The following MRE11 variants were observed in gnomAD, a reference collection of about 807,000 sequenced individuals.
The protein encoded by MRE11 is MRE11 double strand break repair nuclease.
Under a neutral mutation model 91.7 loss-of-function variants are expected in MRE11, and 62 were observed. The ratio of observed to expected loss-of-function variants is 0.68; its 90% CI spans 0.55 to 0.84. MRE11 has a LOEUF of 0.84. MRE11 is among the 40% of genes least tolerant of loss of function. MRE11 has a pLI of 0.00. For synonymous variants in MRE11, 273 were observed against 271.4 expected, an observed-to-expected ratio of 1.01 and a Z score of -0.06; for missense variants, 796 against 852.9, an observed-to-expected ratio of 0.93 and a Z score of 0.83.
chr11:94,494,758 T>G (rs1417046103), upstream of MRE11, among the ~76,000 whole-genome samples: 1 of 152,120 alleles, frequency 6.6e-6, no homozygotes, highest in East Asian at 1.9e-4. Context: ...AACTCAAAAT[T>G]TATATAAAGG....
At chr11:94,484,169 C>T (rs937447557) in intron 4 of MRE11, among the ~76,000 whole-genome samples, 7 of 151,652 alleles carry the variant, frequency 4.6e-5, no homozygotes, top group Non-Finnish European at 1.0e-4. Flanking sequence ...CAATTTAAGC[C>T]ACAAGTAAAT....
chr11:94,455,756 T>C (rs933867211), intron 14 of MRE11, among the ~76,000 whole-genome samples: 2 of 152,208 alleles, frequency 1.3e-5, no homozygotes, highest in African/African-American at 2.4e-5. Context: ...AGTTTCTTTT[T>C]TGCCCAAAAT....
In MRE11 at chr11:94,447,200, G is replaced by C. The variant is rs763251305; in HGVS notation, c.1783+19C>G. 2.4e-5 allele frequency: 39 copies of C among 1,602,312 alleles called. No homozygotes were observed. Among genetic ancestry groups the C allele is most frequent in the Non-Finnish European group, 3.2e-5 (38 of 1,173,410 alleles). ...AACTGCCAAGTGTGAATGTGCACAG[G>C]ACTGAACTCAGTGCTCACCTCTTCC... is the stretch of plus-strand genomic sequence containing the variant. On this transcript the variant is annotated intron_variant, in intron 15 of 19. Transcript: ENST00000323929.
intron 12 of MRE11, 25 bp from the exon 13 acceptor site, chr11:94,459,606 C>CT: frequency 6.2e-7 from 1 of 1,608,642 alleles, no homozygotes; most frequent in East Asian, 2.2e-5. Flanking sequence ...TCACTGGATG[C>CT]AGAAATAGTT....
chr11:94,501,945 T>C, the MRE11 span, among the ~76,000 whole-genome samples: 1,999 of 152,274 alleles, frequency 0.013, 50 homozygotes, highest in African/African-American at 0.046. Flanking sequence ...TAAAAAGCTA[T>C]GTGTTTATCA....
intron 18 of MRE11, 71 bp from the exon 19 acceptor site, chr11:94,430,057 G>A (rs1446185876): frequency 6.8e-7 from 1 of 1,465,654 alleles, no homozygotes; most frequent in Admixed American, 1.7e-5. Flanking sequence ...TTCTGGCTAA[G>A]TTTTTCAATC....
At chr11:94,479,623 T>G (rs1415738905) in intron 5 of MRE11, 51 bp downstream of exon 5, 2 of 1,513,600 alleles carry the variant, frequency 1.3e-6, no homozygotes, top group South Asian at 1.1e-5. Context: ...ACAGACAAAC[T>G]AAACTGATCA....
At chr11:94,495,428 AAGTT>A (rs1947402051), upstream of MRE11, among the ~76,000 whole-genome samples, 1 of 152,206 alleles carries the variant, frequency 6.6e-6, no homozygotes, top group African/African-American at 2.4e-5. Context: ...AACAAGAACA[AAGTT>A]AGAGGTGAAA....
At chr11:94,451,976 C>T (rs1276513286) in intron 14 of MRE11, among the ~76,000 whole-genome samples, 7 of 152,006 alleles carry the variant, frequency 4.6e-5, no homozygotes, top group Non-Finnish European at 1.0e-4. Context: ...GAGGCCGAGG[C>T]GGGTGGATCA....
intron 14 of MRE11, 127 bp downstream of exon 14, chr11:94,456,149 T>C: frequency 1.2e-6 from 1 of 807,412 alleles, no homozygotes; most frequent in Non-Finnish European, 2.1e-6. Context: ...AAAGCAGCCA[T>C]CCTAAGCCAA....
At chr11:94,436,686 ACTCTT>A (rs1945626261) in intron 17 of MRE11, among the ~76,000 whole-genome samples, 1 of 152,148 alleles carries the variant, frequency 6.6e-6, no homozygotes, top group African/African-American at 2.4e-5. Context: ...CCCATATTGG[ACTCTT>A]CTTGGAATCG....
At chr11:94,503,715 A>G in the MRE11 span, among the ~76,000 whole-genome samples, 5 of 151,684 alleles carry the variant, frequency 3.3e-5, no homozygotes, top group Non-Finnish European at 7.4e-5. Context: ...AAAAGAAAGA[A>G]AACGTTAAAA....
chr11:94,456,468 A>T, intron 13 of MRE11, 130 bp from the exon 14 acceptor site: 1 of 733,130 alleles, frequency 1.4e-6, no homozygotes, highest in South Asian at 1.6e-5. Flanking sequence ...CACAAAAGTA[A>T]ATCATATTTT....
chr11:94,461,121 G>A, intron 11 of MRE11, 85 bp from the exon 12 acceptor site: 1 of 1,194,622 alleles, frequency 8.4e-7, no homozygotes, highest in South Asian at 1.3e-5. Flanking sequence ...AGTGGAGAAG[G>A]TAAGGCCAAA....
intron 18 of MRE11, among the ~76,000 whole-genome samples, chr11:94,432,760 C>T (rs1269552283): frequency 6.6e-6 from 1 of 152,158 alleles, no homozygotes; most frequent in Non-Finnish European, 1.5e-5. Context: ...GAGCCGAGAT[C>T]GCGCCACTGC....
At chr11:94,488,722 T>C (rs938264595) in intron 3 of MRE11, among the ~76,000 whole-genome samples, 9 of 152,060 alleles carry the variant, frequency 5.9e-5, no homozygotes, top group Non-Finnish European at 1.0e-4. Context: ...CAAATACTTG[T>C]AAGTGGGAGC....
intron 7 of MRE11, chr11:94,472,889 T>C (rs1446704373): frequency 6.6e-6 from 1 of 152,134 alleles, no homozygotes; most frequent in African/African-American, 2.4e-5. Context: ...ATACAAGATG[T>C]ATATGCATGT....
intron 11 of MRE11, among the ~76,000 whole-genome samples, chr11:94,462,819 C>T (rs923619777): frequency 2.4e-4 from 36 of 152,210 alleles, no homozygotes; most frequent in African/African-American, 8.2e-4. Context: ...CCTAAAACCA[C>T]AAAAACCCTA....
chr11:94,484,885 T>C (rs1417685425), intron 4 of MRE11, among the ~76,000 whole-genome samples: 1 of 152,166 alleles, frequency 6.6e-6, no homozygotes, highest in Non-Finnish European at 1.5e-5. Context: ...GAAACGTTTC[T>C]ACTAAATGCA....
Sources: allele counts gnomAD v4.1 joint callset (sites outside exome capture counted in the v4.1 genomes callset), GRCh38; gene constraint gnomAD v4.1.1; transcripts MANE v1.5; gene names NCBI Gene and HGNC (gene_info 2026-07-23, HGNC 2026-07-21).